The following CALR variants were observed in gnomAD, a reference collection of about 807,000 sequenced individuals.
CALR encodes the protein calreticulin.
In CALR, 15 loss-of-function variants were observed where a neutral mutation model predicts 51.1. The ratio of observed to expected loss-of-function variants is 0.29; its 90% CI spans 0.20 to 0.45. The LOEUF is 0.45. Among genes scored for constraint, CALR ranks in the 20% least tolerant of loss-of-function variants. The pLI is 1.00. For missense variants in CALR, 477 were observed against 530.6 expected (o/e 0.90, Z 0.99); for synonymous variants, 239 against 205.9 (o/e 1.16, Z -1.38).
At chr19:12,942,054 C>A (rs921149101) in intron 7 of CALR, among the ~76,000 whole-genome samples, 1 of 151,944 alleles carries the variant, frequency 6.6e-6, no homozygotes. Flanking sequence ...CAGAGTGAGA[C>A]CCTCTCAAAA....
chr19:12,938,826 T>G, intron 1 of CALR, 56 bp downstream of exon 1: 1 of 1,310,554 alleles, frequency 7.6e-7, no homozygotes, highest in Admixed American at 1.9e-5. Flanking sequence ...CCCCCGATCC[T>G]GGATCTGCGT....
chr19:12,938,859 G>A lies in CALR; in HGVS notation c.91+89G>A, dbSNP rs978268274. ...CGTTGTCGCCCGTAATTACCGTTTAGAGGTCCAACACGGTGGCCTCCCGGG... is the reference window on the plus strand; with the variant it reads ...CGTTGTCGCCCGTAATTACCGTTTAAAGGTCCAACACGGTGGCCTCCCGGG... On this transcript the variant is annotated intron_variant, in intron 1 of 8. Coordinates refer to ENST00000316448, the MANE Select transcript of CALR (RefSeq NM_004343.4). The A allele has an allele frequency of 1.5e-5, 16 of 1,043,428 alleles. No homozygotes were observed. The African/African-American group carries it at 2.4e-4, about 15-fold the overall frequency. The allele number at this position is 1,043,428 out of a possible 1,614,324, so 64.6% of individuals were successfully genotyped here.
At chr19:12,938,980 C>G (rs1045566420) in intron 1 of CALR, 154 bp from the exon 2 acceptor site, 2 of 712,988 alleles carry the variant, frequency 2.8e-6, no homozygotes, top group Non-Finnish European at 5.1e-6. Context: ...CCGAGGATCT[C>G]TGAAGGCACC....
rs530463916 is a variant in CALR at position 12,943,579 on chromosome 19, G to C, written c.1003G>C (p.Asp335His). The C allele has an allele frequency of 1.6e-5, 26 of 1,613,988 alleles. No homozygotes were observed. Among genetic ancestry groups the C allele is most frequent in the Admixed American group, 6.7e-5 (4 of 59,990 alleles). The part of the protein sequence containing the change: ...TIFDNFLITN[D>H]EAYAEEFGNE... Reference sequence around the variant, plus strand: ...CTTTGACAACTTCCTCATCACCAACGATGAGGCATACGCTGAGGAGTTTGG... The same window carrying C: ...CTTTGACAACTTCCTCATCACCAACCATGAGGCATACGCTGAGGAGTTTGG... The change falls in exon 8 of 9, where the codon GAT becomes CAT. Residue 335 changes from aspartate (D) to histidine (H), a missense_variant. Physicochemically the swap from Asp to His is moderately conservative, Grantham distance 81 (BLOSUM62 -1). Transcript: ENST00000316448.
intron 2 of CALR, 28 bp downstream of exon 2, chr19:12,939,263 T>C: frequency 1.3e-6 from 2 of 1,527,558 alleles, no homozygotes; most frequent in Non-Finnish European, 1.8e-6. Context: ...GGTGCTCAGA[T>C]CCGGGAGGAC....
Position 12,940,356 on chromosome 19 carries a change from C to G in CALR, c.606C>G (p.Phe202Leu), listed in dbSNP as rs79497711. 56 of 1,614,052 alleles carry G rather than the reference C, an allele frequency of 3.5e-5. No individual in the cohort carries two copies. The highest frequency in any genetic ancestry group is 4.5e-5 in the Non-Finnish European group (53 of 1,180,038). ...GCTCCTTGGAAGACGATTGGGACTTCCTGCCACCCAAGAAGATAAAGGATC... is the reference window on the plus strand; with the variant it reads ...GCTCCTTGGAAGACGATTGGGACTTGCTGCCACCCAAGAAGATAAAGGATC... ...ESGSLEDDWD[F>L]LPPKKIKDPD... Residue 202 changes from phenylalanine to leucine, a missense_variant, in exon 5 of 9, where the codon TTC becomes TTG. Physicochemically the swap from Phe to Leu is conservative, Grantham distance 22. Coordinates refer to ENST00000316448, the MANE Select transcript of CALR (RefSeq NM_004343.4).
intron 1 of CALR, 144 bp downstream of exon 1, chr19:12,938,914 G>C: frequency 3.8e-6 from 3 of 790,394 alleles, no homozygotes; most frequent in Non-Finnish European, 6.6e-6. Flanking sequence ...TCTCTTCTGC[G>C]TCCCTGGGGA....
intron 1 of CALR, 165 bp from the exon 2 acceptor site, chr19:12,938,969 C>T (rs1971505473): frequency 1.4e-6 from 1 of 715,900 alleles, no homozygotes. Context: ...TTAGGGTTAG[C>T]CCGAGGATCT....
Position 12,939,555 on chromosome 19 carries a change from C to T in CALR, c.321C>T (p.Gly107=), listed in dbSNP as rs758961433. ...VKHEQNIDCG[G]GYVKLFPNSL... The stretch of plus-strand genomic sequence containing the variant: ...ATGAGCAGAACATCGACTGTGGGGG[C>T]GGCTATGTGAAGCTGTTTCCTAATA... Residue 107 remains glycine (G), a synonymous_variant, in exon 3 of 9, where the codon GGC becomes GGT. Coordinates refer to ENST00000316448, the MANE Select transcript of CALR (RefSeq NM_004343.4). The T allele has an allele frequency of 5.6e-6, 9 of 1,613,900 alleles. No individual in the cohort carries two copies. The highest frequency in any genetic ancestry group is 7.6e-6 in the Non-Finnish European group (9 of 1,180,012).
intron 7 of CALR, among the ~76,000 whole-genome samples, chr19:12,941,563 AC>A (rs1284721346): frequency 7.0e-6 from 1 of 141,854 alleles, no homozygotes; most frequent in Non-Finnish European, 1.5e-5. Flanking sequence ...GCTCCGCACG[AC>A]CCCCCAGGTT....
intron 1 of CALR, 53 bp from the exon 2 acceptor site, chr19:12,939,081 T>TTG (rs1555758950): frequency 1.1e-5 from 11 of 1,029,466 alleles, no homozygotes; most frequent in Non-Finnish European, 1.6e-5. Context: ...ATGTTTGGTG[T>TTG]GGGGGGGGAT....
At position 12,938,950 on chromosome 19, in the gene CALR, C is replaced by T. The variant is rs541868908; in HGVS notation, c.91+180C>T. 5.5e-5 allele frequency: 40 copies of T among 729,216 alleles called. No homozygotes were observed. The South Asian group carries it at 5.7e-4, about 10-fold the overall frequency. 45.2% of individuals were successfully genotyped at this position (729,216 alleles called of 1,614,324 possible). A position where few individuals can be genotyped will look rare whatever the true frequency, so the allele number is the denominator to read the frequency against. ...GCGCGGAGGGCGTAGCGGCCTCCCGCGGCGGGAGTTAGGGTTAGCCCGAGG... is the reference window on the plus strand; with the variant it reads ...GCGCGGAGGGCGTAGCGGCCTCCCGTGGCGGGAGTTAGGGTTAGCCCGAGG... On this transcript the variant is annotated intron_variant, in intron 1 of 8. Coordinates refer to ENST00000316448, the MANE Select transcript of CALR (RefSeq NM_004343.4).
At position 12,938,707 on chromosome 19, in the gene CALR, G is replaced by T; in HGVS notation, c.28G>T (p.Gly10Cys). 2 of 1,611,284 alleles carry T rather than the reference G, an allele frequency of 1.2e-6. No individual in the cohort carries two copies. The highest frequency in any genetic ancestry group is 1.7e-6 in the Non-Finnish European group (2 of 1,179,368). ...GCTGCTATCCGTGCCGCTGCTGCTC[G>T]GCCTCCTCGGCCTGGCCGTCGCCGA... MLLSVPLLL[G>C]LLGLAVAEPA... The change falls in exon 1 of 9, where the codon GGC (glycine) becomes TGC (cysteine). Residue 10 changes from glycine to cysteine, a missense_variant. By Grantham distance (159) the Gly-to-Cys change is radical. Coordinates refer to ENST00000316448, the MANE Select transcript of CALR (RefSeq NM_004343.4).
rs1393917442 is a variant in CALR at position 12,943,637 on chromosome 19, C to T, written c.1053+8C>T. 2 of 1,613,972 alleles carry T rather than the reference C, an allele frequency of 1.2e-6. No individual in the cohort carries two copies. The highest frequency in any genetic ancestry group is 2.7e-5 in the African/African-American group (2 of 74,890). On this transcript the variant is annotated splice_region_variant and intron_variant, in intron 8 of 8. Coordinates refer to ENST00000316448, the MANE Select transcript of CALR (RefSeq NM_004343.4). Reference sequence around the variant, plus strand: ...ACGTGGGGCGTAACAAAGGTGAGGCCTGGTCCTGGTCCTGATGTCGGGGGC... The same window carrying T: ...ACGTGGGGCGTAACAAAGGTGAGGCTTGGTCCTGGTCCTGATGTCGGGGGC...
In CALR at chr19:12,943,792, A is replaced by G. The variant is rs1305817662; in HGVS notation, c.1133A>G (p.Glu378Gly). 3.1e-6 allele frequency: 5 copies of G among 1,592,610 alleles called. No homozygotes were observed. Among genetic ancestry groups the G allele is most frequent in the Non-Finnish European group, 4.3e-6 (5 of 1,169,304 alleles). Residue 378 changes from glutamate to glycine, a missense_variant, in exon 9 of 9, where the codon GAG becomes GGG. Physicochemically the swap from Glu to Gly is moderately conservative, Grantham distance 98. Coordinates refer to ENST00000316448, the MANE Select transcript of CALR (RefSeq NM_004343.4). Reference protein sequence around the residue: ...KEEEEDKKRKEEEEAEDKEDD... With the variant: ...KEEEEDKKRKGEEEAEDKEDD... ...GAGGAAGAAGACAAGAAACGCAAAG[A>G]GGAGGAGGAGGCAGAGGACAAGGAG...
chr19:12,944,277 T>C lies in CALR; in HGVS notation c.*364T>C. 2.5e-6 allele frequency: 1 copy of C among 407,450 alleles called. No individual in the cohort carries two copies. The highest frequency in any genetic ancestry group is 2.5e-5 in the South Asian group (1 of 39,998). The allele number at this position is 407,450 out of a possible 1,614,324, so 25.2% of individuals were successfully genotyped here. On this transcript the variant is annotated 3_prime_UTR_variant, in exon 9 of 9. Coordinates refer to ENST00000316448, the MANE Select transcript of CALR (RefSeq NM_004343.4). ...AGGCCTGAGATTTCATCTGCTCTCC[T>C]TCCTGGAGCCCAGAGGAGGGCAGCA...
intron 7 of CALR, among the ~76,000 whole-genome samples, chr19:12,943,029 T>C (rs146767365): frequency 6.6e-6 from 1 of 150,972 alleles, no homozygotes; most frequent in South Asian, 2.1e-4. Flanking sequence ...GTGCTGGGAT[T>C]ACAGGCATGA....
Position 12,940,368 on chromosome 19 carries a change from G to C in CALR, c.618G>C (p.Lys206Asn). 6.2e-7 allele frequency: 1 copy of C among 1,614,200 alleles called. No individual in the cohort carries two copies. Among genetic ancestry groups the C allele is most frequent in the Non-Finnish European group, 8.5e-7 (1 of 1,180,046 alleles). The change falls in exon 5 of 9, where the codon AAG (lysine) becomes AAC (asparagine). Residue 206 changes from lysine (K) to asparagine (N), a missense_variant. Physicochemically the swap from Lys to Asn is moderately conservative, Grantham distance 94. Coordinates refer to ENST00000316448, the MANE Select transcript of CALR (RefSeq NM_004343.4). ...LEDDWDFLPP[K>N]KIKDPDASKP... ...ACGATTGGGACTTCCTGCCACCCAA[G>C]AAGATAAAGGATCCTGATGCTTCAA...
rs765476509 is a variant in CALR at position 12,943,813 on chromosome 19, A to ATTGTC, written c.1154_1155insTTGTC (p.Lys385AsnfsTer47). The ATTGTC allele has an allele frequency of 2.7e-5, 42 of 1,583,830 alleles. No homozygotes were observed. Among genetic ancestry groups the ATTGTC allele is most frequent in the Middle Eastern group, 1.7e-4 (1 of 5,930 alleles). ...AAAGAGGAGGAGGAGGCAGAGGACA[A>ATTGTC]GGAGGATGATGAGGACAAAGATGAG... On this transcript the variant is annotated frameshift_variant, in exon 9 of 9. Coordinates refer to ENST00000316448, the MANE Select transcript of CALR (RefSeq NM_004343.4). LOFTEE classifies it high-confidence loss of function.
Sources: allele counts gnomAD v4.1 joint callset (sites outside exome capture counted in the v4.1 genomes callset), GRCh38; gene constraint gnomAD v4.1.1; transcripts MANE v1.5; gene names NCBI Gene and HGNC (gene_info 2026-07-23, HGNC 2026-07-21).